Variants in SIMC1 observed in about 807,000 individuals in gnomAD.
The protein encoded by SIMC1 is SUMO-interacting motif-containing protein 1.
A neutral mutation model predicts 82.3 loss-of-function variants in SIMC1; 55 were observed. The ratio of observed to expected loss-of-function variants is 0.67; its 90% CI spans 0.54 to 0.84. The LOEUF (loss-of-function observed/expected upper bound fraction) is 0.84. SIMC1 is among the 40% of genes least tolerant of loss of function. The probability of loss-of-function intolerance (pLI) is 0.00; values close to 1 mark genes in which losing one functional copy is unlikely to be tolerated. For synonymous variants in SIMC1, 353 were observed against 426.3 expected (o/e 0.83, Z 2.12); for missense variants, 915 against 1,107.2 (o/e 0.83, Z 2.46).
intron 4 of SIMC1, among the ~76,000 whole-genome samples, chr5:176,302,378 A>G (rs577774207): frequency 2.8e-4 from 43 of 152,216 alleles, no homozygotes; most frequent in Non-Finnish European, 5.1e-4. Context: ...CTTTCTTGAT[A>G]AAGACACTCA....
At chr5:176,289,415 GA>G (rs373469647) in intron 1 of SIMC1, among the ~76,000 whole-genome samples, 17,892 of 144,468 alleles carry the variant, frequency 0.12, 1,097 homozygotes, top group Admixed American at 0.16. Context: ...CCTTGGACCA[GA>G]AAAAAAAAAA....
intron 4 of SIMC1, among the ~76,000 whole-genome samples, chr5:176,301,933 T>TG (rs1375583446): frequency 6.6e-6 from 1 of 152,196 alleles, no homozygotes; most frequent in African/African-American, 2.4e-5. Flanking sequence ...GTTGACTACA[T>TG]GGGGGGACTG....
intron 4 of SIMC1, chr5:176,313,150 G>C: frequency 2.1e-6 from 1 of 467,636 alleles, no homozygotes; most frequent in Non-Finnish European, 3.1e-6. Flanking sequence ...CAAGCCAACA[G>C]ACTTGGCTCA....
At chr5:176,298,498 G>C (rs569762792) in intron 4 of SIMC1, among the ~76,000 whole-genome samples, 134 of 152,324 alleles carry the variant, frequency 8.8e-4, no homozygotes, top group African/African-American at 2.9e-3. Flanking sequence ...GCTGGGTGTG[G>C]TGGTGCATGC....
intron 2 of SIMC1, among the ~76,000 whole-genome samples, chr5:176,293,003 C>A (rs776759538): frequency 1.3e-5 from 2 of 152,074 alleles, no homozygotes. Flanking sequence ...CTGAAGTTTA[C>A]GCCACGTGTG....
At chr5:176,299,993 T>C (rs1763975512) in intron 4 of SIMC1, among the ~76,000 whole-genome samples, 1 of 152,004 alleles carries the variant, frequency 6.6e-6, no homozygotes, top group Non-Finnish European at 1.5e-5. Context: ...AACCCACAAA[T>C]ATGTGGCAAC....
intron 2 of SIMC1, among the ~76,000 whole-genome samples, chr5:176,291,324 C>T (rs542086600): frequency 1.6e-4 from 23 of 145,026 alleles, no homozygotes; most frequent in South Asian, 6.7e-4. Context: ...CCGCCATGCC[C>T]GGCTAATTTT....
intron 1 of SIMC1, among the ~76,000 whole-genome samples, chr5:176,259,411 C>G (rs1761944545): frequency 6.6e-6 from 1 of 151,662 alleles, no homozygotes. Flanking sequence ...GATGGCTCCA[C>G]TGCACTCCAG....
chr5:176,253,939 A>C (rs563508397), intron 1 of SIMC1, among the ~76,000 whole-genome samples: 1 of 152,350 alleles, frequency 6.6e-6, no homozygotes, highest in Non-Finnish European at 1.5e-5. Context: ...ACCACGGAGA[A>C]CTAGGTGACA....
chr5:176,293,477 T>TCA (rs904020178), intron 2 of SIMC1, among the ~76,000 whole-genome samples: 1 of 150,360 alleles, frequency 6.7e-6, no homozygotes, highest in Non-Finnish European at 1.5e-5. Flanking sequence ...ACATGATGGC[T>TCA]CACACCTATA....
intron 5 of SIMC1, among the ~76,000 whole-genome samples, chr5:176,317,516 A>G (rs967928983): frequency 1.3e-5 from 2 of 152,130 alleles, no homozygotes; most frequent in East Asian, 1.9e-4. Context: ...GTTAGCCATT[A>G]TCTGTTGACT....
intron 1 of SIMC1, among the ~76,000 whole-genome samples, chr5:176,258,376 A>G (rs1761914200): frequency 6.6e-6 from 1 of 150,984 alleles, no homozygotes; most frequent in South Asian, 2.1e-4. Flanking sequence ...CTAGTAGAGC[A>G]GGTTTACCAC....
At chr5:176,305,100 G>A (rs1764248993) in intron 4 of SIMC1, among the ~76,000 whole-genome samples, 2 of 142,696 alleles carry the variant, frequency 1.4e-5, no homozygotes, top group South Asian at 2.3e-4. Flanking sequence ...GAGGTGGGGG[G>A]TCAGCCCCGA....
intron 1 of SIMC1, among the ~76,000 whole-genome samples, chr5:176,266,413 A>G (rs1762213731): frequency 1.3e-5 from 2 of 152,288 alleles, no homozygotes; most frequent in South Asian, 4.1e-4. Flanking sequence ...TGTAGGCACA[A>G]CAGAGGACCC....
intron 1 of SIMC1, among the ~76,000 whole-genome samples, chr5:176,250,440 G>C (rs1761611144): frequency 1.3e-5 from 2 of 152,214 alleles, no homozygotes; most frequent in African/African-American, 4.8e-5. Context: ...ATATTCTGTT[G>C]ATTTGGGGTG....
chr5:176,243,626 A>G (rs114307175), intron 1 of SIMC1, among the ~76,000 whole-genome samples: 2,783 of 151,870 alleles, frequency 0.018, 83 homozygotes, highest in African/African-American at 0.063. Flanking sequence ...GGTTCAAGCA[A>G]TTTCCCCCAC....
intron 5 of SIMC1, among the ~76,000 whole-genome samples, chr5:176,317,129 A>G (rs956537525): frequency 6.6e-6 from 1 of 152,238 alleles, no homozygotes; most frequent in Non-Finnish European, 1.5e-5. Flanking sequence ...TTGATTCATT[A>G]AGAAATGGAT....
chr5:176,303,044 A>T (rs1021639952), intron 4 of SIMC1, among the ~76,000 whole-genome samples: 23 of 152,124 alleles, frequency 1.5e-4, no homozygotes, highest in Non-Finnish European at 4.4e-5. Flanking sequence ...TTTTGTAGAA[A>T]TAGAAAATTC....
intron 4 of SIMC1, among the ~76,000 whole-genome samples, chr5:176,309,624 A>ATATT (rs780664602): frequency 1.3e-5 from 2 of 152,236 alleles, no homozygotes; most frequent in Non-Finnish European, 2.9e-5. Context: ...TCAATTTGGA[A>ATATT]TATTTAAAGT....
Sources: allele counts gnomAD v4.1 joint callset (sites outside exome capture counted in the v4.1 genomes callset), GRCh38; gene constraint gnomAD v4.1.1; transcripts MANE v1.5; gene names NCBI Gene and HGNC (gene_info 2026-07-23, HGNC 2026-07-21).